The following SLC14A2 variants were observed in gnomAD, a reference collection of about 807,000 sequenced individuals.
The protein encoded by SLC14A2 is solute carrier family 14 member 2, also known as urea transporter 2.
In SLC14A2, 91 loss-of-function variants were observed where a neutral mutation model predicts 104.6. The observed-to-expected ratio is 0.87, with a 90% CI of 0.73 to 1.04. The LOEUF (loss-of-function observed/expected upper bound fraction) is 1.04, where lower values mean the gene tolerates loss of function less well. Among genes scored for constraint, SLC14A2 ranks in the 50% least tolerant of loss-of-function variants. The pLI is 0.00. For missense variants in SLC14A2, 1,189 were observed against 1,156.0 expected, an observed-to-expected ratio of 1.03 and a Z score of -0.41; for synonymous variants, 476 against 466.4, an observed-to-expected ratio of 1.02 and a Z score of -0.27.
chr18:45,472,957 T>C (rs1029163969), intron 1 of SLC14A2, among the ~76,000 whole-genome samples: 8 of 152,232 alleles, frequency 5.3e-5, no homozygotes, highest in Non-Finnish European at 1.2e-4. Context: ...TGCCCATGCC[T>C]ATGTCCTGAA....
chr18:45,242,465 A>G (rs1338196215), intron 1 of SLC14A2, among the ~76,000 whole-genome samples: 2 of 152,232 alleles, frequency 1.3e-5, no homozygotes, highest in African/African-American at 2.4e-5. Context: ...AAAGATATGA[A>G]TCAGAAAATT....
At chr18:45,640,849 C>A (rs139114847) in intron 7 of SLC14A2, among the ~76,000 whole-genome samples, 1 of 152,300 alleles carries the variant, frequency 6.6e-6, no homozygotes, top group African/African-American at 2.4e-5. Flanking sequence ...CTTGAAACAA[C>A]TTTTAAAAAT....
rs77502704 is a variant in SLC14A2, at chr18:45,538,983, T to C, written c.-35+55661T>C. 1.2e-4 allele frequency among the ~76,000 whole-genome samples: 18 copies of C among 151,460 alleles called. No homozygotes were observed. The East Asian group carries it at 3.4e-3, about 28-fold the overall frequency. ...CCACAGCTTTGCTGATCACATACTA[T>C]ATGGCAGGCCTGTGTAAAGCCTATA... On this transcript the variant is annotated intron_variant, in intron 2 of 20. Coordinates refer to the SLC14A2 transcript ENST00000586448.
intron 2 of SLC14A2, among the ~76,000 whole-genome samples, chr18:45,525,364 G>C (rs1598960558): frequency 6.6e-6 from 1 of 152,300 alleles, no homozygotes; most frequent in African/African-American, 2.4e-5. Context: ...AAGGTTGAGT[G>C]GATTAGGCTT....
intron 1 of SLC14A2, among the ~76,000 whole-genome samples, chr18:45,453,781 A>G (rs1001832168): frequency 1.3e-5 from 2 of 151,088 alleles, no homozygotes; most frequent in Admixed American, 6.6e-5. Flanking sequence ...TGCCTCCCTT[A>G]CTGAAACCTG....
intron 1 of SLC14A2, among the ~76,000 whole-genome samples, chr18:45,349,621 C>T (rs930379922): frequency 2.2e-4 from 33 of 152,184 alleles, no homozygotes; most frequent in African/African-American, 6.8e-4. Context: ...TCACAGGTTG[C>T]GCAGTGAATG....
chr18:45,527,294 C>T (rs568641230), intron 2 of SLC14A2, among the ~76,000 whole-genome samples: 1 of 152,284 alleles, frequency 6.6e-6, no homozygotes, highest in Non-Finnish European at 1.5e-5. Context: ...CCCGAGATGA[C>T]GCTAACAAAT....
At chr18:45,241,968 TC>T (rs1428348155) in intron 1 of SLC14A2, among the ~76,000 whole-genome samples, 1 of 152,054 alleles carries the variant, frequency 6.6e-6, no homozygotes, top group Non-Finnish European at 1.5e-5. Context: ...AAAACAATCT[TC>T]CCCCATCAGC....
At chr18:45,169,101 G>C in the SLC14A2 span, 3 of 152,264 alleles carry the variant, frequency 2.0e-5, no homozygotes, top group East Asian at 5.8e-4. Flanking sequence ...CTCACTGAGA[G>C]ATTAGCCATG....
At chr18:45,458,164 G>T (rs2086978949) in intron 1 of SLC14A2, among the ~76,000 whole-genome samples, 3 of 152,220 alleles carry the variant, frequency 2.0e-5, no homozygotes, top group Non-Finnish European at 2.9e-5. Flanking sequence ...CTGCTGCCTA[G>T]CACCTGCCAT....
intron 1 of SLC14A2, among the ~76,000 whole-genome samples, chr18:45,466,889 T>A (rs908039810): frequency 2.6e-5 from 4 of 152,110 alleles, no homozygotes; most frequent in Non-Finnish European, 5.9e-5. Flanking sequence ...TGGCCCCACC[T>A]AGACAGATGG....
chr18:45,224,267 C>A (rs2084092233), intron 1 of SLC14A2, among the ~76,000 whole-genome samples: 1 of 152,202 alleles, frequency 6.6e-6, no homozygotes, highest in African/African-American at 2.4e-5. Flanking sequence ...GAAATGGTCT[C>A]ATAACACTCT....
chr18:45,196,821 C>G, the SLC14A2 span, among the ~76,000 whole-genome samples: 1 of 152,192 alleles, frequency 6.6e-6, no homozygotes, highest in Admixed American at 6.5e-5. Context: ...TCTCAAAGGG[C>G]TTTTCCATTT....
chr18:45,220,445 G>A (rs997586862), intron 1 of SLC14A2, among the ~76,000 whole-genome samples: 3 of 152,190 alleles, frequency 2.0e-5, no homozygotes, highest in African/African-American at 4.8e-5. Context: ...AAGGTGTTTA[G>A]CAAACAAAAA....
rs544880108 is a variant in SLC14A2, at chr18:45,524,130, C to T, written c.-35+40808C>T. On this transcript the variant is annotated intron_variant, in intron 2 of 20. Transcript: ENST00000586448. ...ATAAAGCACCTGGATGGAGCCTGGTCCTTAGTGGGTGCTCAATAAGTGATC... is the reference window on the plus strand; with the variant it reads ...ATAAAGCACCTGGATGGAGCCTGGTTCTTAGTGGGTGCTCAATAAGTGATC... Among the ~76,000 whole-genome samples, 8 of 152,316 alleles carry T rather than the reference C, an allele frequency of 5.3e-5. No individual in the cohort carries two copies. In the South Asian group the frequency reaches 1.7e-3, roughly 32 times the overall value.
chr18:45,262,351 C>T (rs367553814), intron 1 of SLC14A2, among the ~76,000 whole-genome samples: 3 of 152,116 alleles, frequency 2.0e-5, no homozygotes, highest in East Asian at 3.9e-4. Flanking sequence ...AGCCTGGGCC[C>T]TCCACCACTG....
At chr18:45,223,279 A>G (rs940684758) in intron 1 of SLC14A2, among the ~76,000 whole-genome samples, 7 of 152,148 alleles carry the variant, frequency 4.6e-5, no homozygotes, top group Non-Finnish European at 7.3e-5. Context: ...AGAGGTCACA[A>G]TGACGGAAGT....
intron 1 of SLC14A2, among the ~76,000 whole-genome samples, chr18:45,391,993 T>C (rs1204369749): frequency 6.6e-6 from 1 of 152,240 alleles, no homozygotes; most frequent in African/African-American, 2.4e-5. Flanking sequence ...AGACATGAAG[T>C]CCTTGCCCAT....
Position 45,652,404 on chromosome 18 carries a change from C to A in SLC14A2, c.1351+8244C>A, listed in dbSNP as rs147539525. 3.9e-4 allele frequency among the ~76,000 whole-genome samples: 59 copies of A among 152,318 alleles called. No homozygotes were observed. In the East Asian group the frequency reaches 0.011, roughly 28 times the overall value. On this transcript the variant is annotated intron_variant, in intron 10 of 19. Coordinates refer to ENST00000255226, the MANE Select transcript of SLC14A2 (RefSeq NM_007163.4). ...ATGACAAGTCCTTTTTAACCCTCTG[C>A]AAATTGATAACAAGGACCTCCCAAC...
Sources: gnomAD v4.1 joint callset for allele counts (sites outside exome capture counted in the v4.1 genomes callset) on GRCh38, gnomAD v4.1.1 for gene constraint, MANE v1.5 for transcripts, NCBI Gene and HGNC (gene_info 2026-07-23, HGNC 2026-07-21) for gene names.